The following FAM20B variants were observed in gnomAD, a reference collection of about 807,000 sequenced individuals.
The protein encoded by FAM20B is glycosaminoglycan xylosylkinase.
Under a neutral mutation model 43.8 loss-of-function variants are expected in FAM20B, and 23 were observed. The observed-to-expected ratio is 0.53, with a 90% CI of 0.38 to 0.74. FAM20B has a LOEUF of 0.74. Among genes scored for constraint, FAM20B ranks in the 30% least tolerant of loss-of-function variants. The pLI, the probability that FAM20B is intolerant of heterozygous loss-of-function variation, is 0.00. For synonymous variants in FAM20B, 178 were observed against 192.4 expected, an observed-to-expected ratio of 0.93 and a Z score of 0.62; for missense variants, 440 against 510.5, an observed-to-expected ratio of 0.86 and a Z score of 1.33.
chr1:179,034,768 T>C (rs895271004), intron 1 of FAM20B, among the ~76,000 whole-genome samples: 4 of 152,208 alleles, frequency 2.6e-5, no homozygotes, highest in African/African-American at 9.6e-5. Context: ...TCCTACCCCT[T>C]TGCCTCAGAT....
At chr1:179,030,775 T>A (rs1649978323) in intron 1 of FAM20B, among the ~76,000 whole-genome samples, 1 of 151,982 alleles carries the variant, frequency 6.6e-6, no homozygotes, top group African/African-American at 2.4e-5. Context: ...ATCAGATGCC[T>A]CTTACAGGCC....
upstream of FAM20B, among the ~76,000 whole-genome samples, chr1:179,022,092 T>A (rs2102472627): frequency 6.6e-6 from 1 of 152,278 alleles, no homozygotes; most frequent in East Asian, 1.9e-4. Flanking sequence ...AGTCCGTTGC[T>A]ATAAGCAAGA....
chr1:179,059,508 C>G (rs1483370521), intron 4 of FAM20B, among the ~76,000 whole-genome samples: 1 of 152,156 alleles, frequency 6.6e-6, no homozygotes, highest in Non-Finnish European at 1.5e-5. Flanking sequence ...AGGAACCTGA[C>G]CTCAGACCCC....
At chr1:179,063,031 C>T (rs1651539330) in intron 4 of FAM20B, among the ~76,000 whole-genome samples, 1 of 152,140 alleles carries the variant, frequency 6.6e-6, no homozygotes, top group Admixed American at 6.5e-5. Context: ...AATCCCAGCA[C>T]TTTGGGAGGC....
intron 4 of FAM20B, among the ~76,000 whole-genome samples, chr1:179,060,503 C>T (rs1163297119): frequency 6.6e-6 from 1 of 152,168 alleles, no homozygotes; most frequent in African/African-American, 2.4e-5. Flanking sequence ...GCATTATATT[C>T]TCATAGGAGC....
intron 7 of FAM20B, among the ~76,000 whole-genome samples, chr1:179,068,238 G>C (rs891216961): frequency 2.0e-5 from 3 of 152,004 alleles, no homozygotes; most frequent in African/African-American, 7.2e-5. Context: ...TTTTTTAAAT[G>C]ACAACAAAAT....
chr1:179,041,064 G>A (rs1212840232), intron 1 of FAM20B, among the ~76,000 whole-genome samples: 7 of 149,470 alleles, frequency 4.7e-5, no homozygotes, highest in South Asian at 2.1e-4. Context: ...GATGGCGGCC[G>A]GGAAGAGGCG....
intron 4 of FAM20B, among the ~76,000 whole-genome samples, chr1:179,056,173 A>G (rs1651211084): frequency 6.6e-6 from 1 of 151,722 alleles, no homozygotes; most frequent in South Asian, 2.1e-4. Context: ...ATTCCCATTC[A>G]CTCTTGGTGT....
At chr1:179,040,241 C>A (rs929729198) in intron 1 of FAM20B, among the ~76,000 whole-genome samples, 2 of 152,250 alleles carry the variant, frequency 1.3e-5, no homozygotes, top group African/African-American at 2.4e-5. Context: ...CCCAGTGAGC[C>A]GTTGGGCACA....
Position 179,063,970 on chromosome 1 carries a change from A to G in FAM20B, c.618A>G (p.Glu206=). 1 of 1,613,500 alleles carries G rather than the reference A, an allele frequency of 6.2e-7. No homozygotes were observed. Among genetic ancestry groups the G allele is most frequent in the Non-Finnish European group, 8.5e-7 (1 of 1,179,670 alleles). The change falls in exon 5 of 8, where the codon GAA becomes GAG. Residue 206 remains glutamate, a synonymous_variant. Transcript: ENST00000263733. The stretch of plus-strand genomic sequence containing the variant: ...ATGGGAAGTGCTATTACTGCCGAGA[A>G]ACAGAACCAGCTTGTGCTGATGGAG... The part of the protein sequence containing the change: ...CFYGKCYYCR[E]TEPACADGDI...
rs1218363441 is a variant in FAM20B at position 179,040,358 on chromosome 1, G to C, written c.-133-3357G>C. Among the ~76,000 whole-genome samples the C allele has an allele frequency of 5.4e-5, 8 of 148,890 alleles. No individual in the cohort carries two copies. In the East Asian group the frequency reaches 1.4e-3, roughly 27 times the overall value. On this transcript the variant is annotated intron_variant, in intron 1 of 7. Coordinates refer to ENST00000263733, the MANE Select transcript of FAM20B (RefSeq NM_014864.4). Reference sequence around the variant, plus strand: ...CTGGACGGGGTGGCCGGCCGGGCGGGGGGCCAACCCCCCCACTTCCCTCCC... The same window carrying C: ...CTGGACGGGGTGGCCGGCCGGGCGGCGGGCCAACCCCCCCACTTCCCTCCC...
intron 1 of FAM20B, among the ~76,000 whole-genome samples, chr1:179,036,977 A>G (rs1407084514): frequency 6.6e-6 from 1 of 152,182 alleles, no homozygotes; most frequent in Non-Finnish European, 1.5e-5. Flanking sequence ...TGACAGAAGC[A>G]AAGAGCACCT....
intron 3 of FAM20B, among the ~76,000 whole-genome samples, chr1:179,052,985 G>T (rs898515572): frequency 6.6e-6 from 1 of 152,234 alleles, no homozygotes; most frequent in East Asian, 1.9e-4. Context: ...TTGTTATTTT[G>T]TATTTCCCCA....
rs142368838 is a variant in FAM20B at position 179,063,013 on chromosome 1, A to G, written c.575-914A>G. ...GAGTTCAGGCCGGGCGCGGTAGCTC[A>G]CACCTGTAATCCCAGCACTTTGGGA... On this transcript the variant is annotated intron_variant, in intron 4 of 7. Transcript: ENST00000263733. 5.8e-3 allele frequency among the ~76,000 whole-genome samples: 878 copies of G among 152,246 alleles called. 9 individuals carry two copies. Among genetic ancestry groups the G allele is most frequent in the African/African-American group, 0.02 (837 of 41,550 alleles).
the FAM20B span, among the ~76,000 whole-genome samples, chr1:179,018,433 A>C: frequency 6.6e-6 from 1 of 152,032 alleles, no homozygotes; most frequent in Non-Finnish European, 1.5e-5. Context: ...CAGCCTCCCG[A>C]GTAGCTGGGA....
intron 1 of FAM20B, among the ~76,000 whole-genome samples, chr1:179,043,060 C>G (rs913068802): frequency 6.6e-6 from 1 of 152,172 alleles, no homozygotes; most frequent in Admixed American, 6.5e-5. Flanking sequence ...CGCCCAGGAG[C>G]CTGCCTCCTG....
upstream of FAM20B, among the ~76,000 whole-genome samples, chr1:179,025,150 G>A (rs961869434): frequency 3.3e-5 from 5 of 152,238 alleles, no homozygotes; most frequent in African/African-American, 1.2e-4. Flanking sequence ...AGGGAAGGCA[G>A]AATCTTTCAT....
At chr1:179,062,712 A>T (rs932176515) in intron 4 of FAM20B, among the ~76,000 whole-genome samples, 1 of 152,132 alleles carries the variant, frequency 6.6e-6, no homozygotes, top group African/African-American at 2.4e-5. Context: ...AGTATTTCCA[A>T]TTCTAATTCA....
rs988781857 is a variant in FAM20B at position 179,074,890 on chromosome 1, G to A, written c.*2746G>A. 6 of 152,148 alleles carry A rather than the reference G, an allele frequency of 3.9e-5. No homozygotes were observed. Among genetic ancestry groups the A allele is most frequent in the African/African-American group, 1.2e-4 (5 of 41,422 alleles). The allele number at this position is 152,148 out of a possible 1,614,324, so 9.4% of individuals were successfully genotyped here. On this transcript the variant is annotated 3_prime_UTR_variant, in exon 8 of 8. Transcript: ENST00000263733. ...AGAAAGCCCTAAAATTTCAAACACTGTTTGAAAGAAGAGGTGGGGGCCGGG... is the reference window on the plus strand; with the variant it reads ...AGAAAGCCCTAAAATTTCAAACACTATTTGAAAGAAGAGGTGGGGGCCGGG...
Sources: gnomAD v4.1 joint callset for allele counts (sites outside exome capture counted in the v4.1 genomes callset) on GRCh38, gnomAD v4.1.1 for gene constraint, MANE v1.5 for transcripts, NCBI Gene and HGNC (gene_info 2026-07-23, HGNC 2026-07-21) for gene names.